The following JAZF1 variants were observed in gnomAD, a reference collection of about 807,000 sequenced individuals.
JAZF1 encodes the protein juxtaposed with another zinc finger protein 1.
A neutral mutation model predicts 26.4 loss-of-function variants in JAZF1; 8 were observed. The observed-to-expected ratio is 0.30, with a 90% CI of 0.18 to 0.55. JAZF1 has a LOEUF of 0.55. JAZF1 is among the 20% of genes least tolerant of loss of function. The probability of loss-of-function intolerance (pLI) is 0.94; values close to 1 mark genes in which losing one functional copy is unlikely to be tolerated. For synonymous variants in JAZF1, 126 were observed against 122.3 expected (o/e 1.03, Z -0.20); for missense variants, 199 against 322.0 (o/e 0.62, Z 2.92).
At chr7:28,022,763 GTTGT>G (rs765109215) in intron 1 of JAZF1, among the ~76,000 whole-genome samples, 23 of 151,972 alleles carry the variant, frequency 1.5e-4, no homozygotes, top group Middle Eastern at 3.4e-3. Flanking sequence ...TGTTTTTGTT[GTTGT>G]TTGTTTGTTT....
intron 1 of JAZF1, among the ~76,000 whole-genome samples, chr7:28,080,414 A>G (rs999944692): frequency 1.4e-4 from 22 of 152,234 alleles, no homozygotes; most frequent in African/African-American, 4.8e-4. Context: ...TCACTGGAGT[A>G]ACACTTTTAA....
At chr7:27,970,971 T>C (rs1163486535) in intron 2 of JAZF1, among the ~76,000 whole-genome samples, 3 of 152,228 alleles carry the variant, frequency 2.0e-5, no homozygotes, top group Admixed American at 6.5e-5. Context: ...CTAAGAGCTA[T>C]GATGCATGGT....
intron 1 of JAZF1, among the ~76,000 whole-genome samples, chr7:28,018,784 G>A (rs1212544373): frequency 2.0e-5 from 3 of 152,276 alleles, no homozygotes; most frequent in Middle Eastern, 6.8e-3. Flanking sequence ...TTTTTTGAAA[G>A]ACAGGAAGAA....
chr7:28,149,984 C>T (rs1312037364), intron 1 of JAZF1, among the ~76,000 whole-genome samples: 1 of 152,180 alleles, frequency 6.6e-6, no homozygotes, highest in African/African-American at 2.4e-5. Context: ...TTTTACCTTC[C>T]TCTATTCCCT....
intron 3 of JAZF1, among the ~76,000 whole-genome samples, chr7:27,893,976 T>C (rs1420986446): frequency 1.3e-5 from 2 of 152,216 alleles, no homozygotes; most frequent in African/African-American, 2.4e-5. Context: ...GGAAGCCCAA[T>C]TGTTACAGAT....
chr7:28,136,805 G>A lies in JAZF1; in HGVS notation c.115+43658C>T, dbSNP rs1187099626. 2.0e-5 allele frequency among the ~76,000 whole-genome samples: 3 copies of A among 152,220 alleles called. No individual in the cohort carries two copies. The East Asian group carries it at 5.8e-4, about 29-fold the overall frequency. The stretch of plus-strand genomic sequence containing the variant: ...AGGGACAAAGGTATGTCTAGACCCA[G>A]CCTATGGTGAGGAAGATGAGGGACT... On this transcript the variant is annotated intron_variant, in intron 1 of 4. Coordinates refer to ENST00000283928, the MANE Select transcript of JAZF1 (RefSeq NM_175061.4).
intron 2 of JAZF1, among the ~76,000 whole-genome samples, chr7:27,978,301 T>C (rs1479310578): frequency 3.3e-5 from 5 of 152,196 alleles, no homozygotes; most frequent in African/African-American, 1.2e-4. Context: ...TCTTAACCAC[T>C]ACATTGTTCT....
chr7:28,105,371 C>A (rs1051022262), intron 1 of JAZF1, among the ~76,000 whole-genome samples: 1 of 152,176 alleles, frequency 6.6e-6, no homozygotes, highest in Non-Finnish European at 1.5e-5. Context: ...AGATAAACTG[C>A]AAAGCATTGT....
intron 2 of JAZF1, among the ~76,000 whole-genome samples, chr7:27,915,324 T>A (rs1206607316): frequency 6.6e-6 from 1 of 152,224 alleles, no homozygotes; most frequent in African/African-American, 2.4e-5. Context: ...GCAAAATTCA[T>A]CCTTCCTGTG....
chr7:27,840,547 C>G lies in JAZF1; in HGVS notation c.555+151G>C. ...TTCCTTGAGGGCACCTGTGTGCACA[C>G]AGGGGTGAGGCCCACGCACTCTAAT... On this transcript the variant is annotated intron_variant, in intron 4 of 4. Coordinates refer to ENST00000283928, the MANE Select transcript of JAZF1 (RefSeq NM_175061.4). This position sits in a 1 kb window ranked among gnomAD's most constrained non-coding sequence, Gnocchi z 5.1. 1.2e-6 allele frequency: 1 copy of G among 802,892 alleles called. No individual in the cohort carries two copies. The highest frequency in any genetic ancestry group is 2.5e-5 in the East Asian group (1 of 40,106). 49.7% of individuals were successfully genotyped at this position (802,892 alleles called of 1,614,324 possible). A position where few individuals can be genotyped will look rare whatever the true frequency, so the allele number is the denominator to read the frequency against.
intron 1 of JAZF1, among the ~76,000 whole-genome samples, chr7:28,048,126 C>CT (rs1446746714): frequency 6.6e-6 from 1 of 152,126 alleles, no homozygotes; most frequent in East Asian, 1.9e-4. Flanking sequence ...GAAAGACCAA[C>CT]TTTCTTCTGT....
chr7:28,151,087 G>A (rs1783104925), intron 1 of JAZF1, among the ~76,000 whole-genome samples: 2 of 135,264 alleles, frequency 1.5e-5, no homozygotes, highest in Admixed American at 8.1e-5. Flanking sequence ...TGGGAGGGGG[G>A]ATTTTCGATA....
intron 3 of JAZF1, among the ~76,000 whole-genome samples, chr7:27,860,018 G>A (rs1783349129): frequency 6.6e-6 from 1 of 152,116 alleles, no homozygotes; most frequent in African/African-American, 2.4e-5. Context: ...GGTGGGAGGA[G>A]GTGCTCCTTA....
At chr7:28,174,850 A>T (rs867472744) in intron 1 of JAZF1, among the ~76,000 whole-genome samples, 1 of 56,692 alleles carries the variant, frequency 1.8e-5, no homozygotes, top group African/African-American at 6.4e-5. Flanking sequence ...GTGTGTGTGT[A>T]TGCACATGTA....
chr7:28,038,338 C>T (rs1158260729), intron 1 of JAZF1, among the ~76,000 whole-genome samples: 1 of 152,120 alleles, frequency 6.6e-6, no homozygotes, highest in Non-Finnish European at 1.5e-5. Flanking sequence ...GATATAAGCT[C>T]ATTTTTCAGG....
chr7:28,082,324 TGAG>T (rs1784150415), intron 1 of JAZF1, among the ~76,000 whole-genome samples: 1 of 152,166 alleles, frequency 6.6e-6, no homozygotes, highest in African/African-American at 2.4e-5. Flanking sequence ...TTCACTGGGC[TGAG>T]GAGTGTTCCT....
intron 2 of JAZF1, among the ~76,000 whole-genome samples, chr7:27,908,806 T>G (rs1378194619): frequency 6.6e-6 from 1 of 152,250 alleles, no homozygotes; most frequent in Non-Finnish European, 1.5e-5. Context: ...CTCAGCTCAT[T>G]GGAACACACA....
At chr7:28,096,487 T>C (rs1403205512) in intron 1 of JAZF1, among the ~76,000 whole-genome samples, 1 of 152,216 alleles carries the variant, frequency 6.6e-6, no homozygotes, top group Non-Finnish European at 1.5e-5. Context: ...ACATCTATAA[T>C]CAAATTAAAT....
At chr7:28,065,397 T>C (rs545166841) in intron 1 of JAZF1, among the ~76,000 whole-genome samples, 3 of 131,688 alleles carry the variant, frequency 2.3e-5, no homozygotes, top group African/African-American at 8.8e-5. Flanking sequence ...CTGGGTAGAG[T>C]AGAGGAGTGG....
Sources: allele counts gnomAD v4.1 joint callset (sites outside exome capture counted in the v4.1 genomes callset), GRCh38; gene constraint gnomAD v4.1.1; non-coding constraint Gnocchi (gnomAD v3.1); transcripts MANE v1.5; gene names NCBI Gene and HGNC (gene_info 2026-07-23, HGNC 2026-07-21).